TNFRSF21: variants seen among roughly 807,000 people sequenced by gnomAD.
The protein encoded by TNFRSF21 is tumor necrosis factor receptor superfamily member 21.
A neutral mutation model predicts 45.6 loss-of-function variants in TNFRSF21; 19 were observed. The observed-to-expected ratio is 0.42, with a 90% CI of 0.29 to 0.61. TNFRSF21 has a LOEUF of 0.61. Among genes scored for constraint, TNFRSF21 ranks in the 20% least tolerant of loss-of-function variants. The probability of loss-of-function intolerance (pLI) is 0.23; values close to 1 mark genes in which losing one functional copy is unlikely to be tolerated. For missense variants in TNFRSF21, 737 were observed against 851.5 expected (o/e 0.87, Z 1.67); for synonymous variants, 314 against 335.5 (o/e 0.94, Z 0.70).
At chr6:47,269,240 AAC>A (rs149743493) in intron 3 of TNFRSF21, among the ~76,000 whole-genome samples, 36 of 149,268 alleles carry the variant, frequency 2.4e-4, no homozygotes, top group East Asian at 1.4e-3. Flanking sequence ...CACACACACA[AAC>A]ACACACACAC....
At chr6:47,241,781 T>G (rs1050968482) in intron 4 of TNFRSF21, among the ~76,000 whole-genome samples, 5 of 152,196 alleles carry the variant, frequency 3.3e-5, no homozygotes, top group Non-Finnish European at 5.9e-5. Flanking sequence ...CAAGTAACTT[T>G]AAGAGAAAAA....
chr6:47,291,052 G>A (rs1383059266), intron 1 of TNFRSF21, among the ~76,000 whole-genome samples: 1 of 152,230 alleles, frequency 6.6e-6, no homozygotes, highest in Non-Finnish European at 1.5e-5. Context: ...CTAGCTCAGG[G>A]AAGTTAGAGA....
intron 3 of TNFRSF21, among the ~76,000 whole-genome samples, chr6:47,253,947 CTT>C (rs1764942171): frequency 6.6e-6 from 1 of 152,168 alleles, no homozygotes; most frequent in East Asian, 1.9e-4. Context: ...GCATGAATTT[CTT>C]TTTCCTTCTT....
intron 5 of TNFRSF21, 91 bp downstream of exon 5, chr6:47,234,579 C>A: frequency 9.5e-7 from 1 of 1,049,148 alleles, no homozygotes; most frequent in South Asian, 1.4e-5. Context: ...CAACTCTCAG[C>A]TACAACTGGA....
chr6:47,256,975 G>T (rs117685754), intron 3 of TNFRSF21, among the ~76,000 whole-genome samples: 1,779 of 152,290 alleles, frequency 0.012, 129 homozygotes, highest in Admixed American at 0.11. Context: ...GTACAATGGA[G>T]AAACTCACTA....
chr6:47,280,508 A>G (rs1224241225), intron 3 of TNFRSF21, among the ~76,000 whole-genome samples: 1 of 152,238 alleles, frequency 6.6e-6, no homozygotes, highest in Non-Finnish European at 1.5e-5. Flanking sequence ...TAAATATCCC[A>G]ATGCAAAAAT....
At chr6:47,244,323 C>CAAAAAAA (rs764763953) in intron 4 of TNFRSF21, among the ~76,000 whole-genome samples, 1 of 76,050 alleles carries the variant, frequency 1.3e-5, no homozygotes, top group Non-Finnish European at 2.8e-5. Flanking sequence ...GACTCCGTCT[C>CAAAAAAA]AAAAAAAAAA....
At chr6:47,293,475 A>C (rs1268978314) in intron 1 of TNFRSF21, among the ~76,000 whole-genome samples, 1 of 152,234 alleles carries the variant, frequency 6.6e-6, no homozygotes, top group Non-Finnish European at 1.5e-5. Context: ...CAAACTTAAA[A>C]TATTATCCAG....
rs201076467 is a variant in TNFRSF21, at chr6:47,235,342, G to GT, written c.1510-445dup. Among the ~76,000 whole-genome samples the GT allele has an allele frequency of 8.0e-3, 1,224 of 152,280 alleles. 11 individuals are homozygous for GT. The highest frequency in any genetic ancestry group is 0.013 in the South Asian group (63 of 4,820). ...GAGGGCCTTTAAAGAGGTAATTACA[G>GT]TAAAATGAGGTCTTTAGGGTTGGCT... is the stretch of plus-strand genomic sequence containing the variant. On this transcript the variant is annotated intron_variant, in intron 4 of 5. Transcript: ENST00000296861.
At chr6:47,253,131 C>CGTGTGTGTGTGTGTGCAGGCGTATGCGT in intron 4 of TNFRSF21, 125 bp downstream of exon 4, 1 of 1,017,862 alleles carries the variant, frequency 9.8e-7, no homozygotes, top group African/African-American at 1.6e-5. Flanking sequence ...CAGGCGTATG[C>CGTGTGTGTGTGTGTGCAGGCGTATGCGT]GTGTGTGTGT....
In TNFRSF21 at chr6:47,308,329, T is replaced by C. The variant is rs547035140; in HGVS notation, c.96+1087A>G. ...CTTTTGGGGAAGGAGACAGCAAGCC[T>C]GCTTTTCCCTTACACAGCCCTGTCG... On this transcript the variant is annotated intron_variant, in intron 1 of 5. Transcript: ENST00000296861. Among the ~76,000 whole-genome samples, 8 of 152,352 alleles carry C rather than the reference T, an allele frequency of 5.3e-5. No homozygotes were observed. In the South Asian group the frequency reaches 1.7e-3, roughly 32 times the overall value.
chr6:47,276,867 C>T (rs2113860549), intron 3 of TNFRSF21, among the ~76,000 whole-genome samples: 1 of 152,284 alleles, frequency 6.6e-6, no homozygotes, highest in East Asian at 1.9e-4. Context: ...GAGAGCACTG[C>T]CTACATGTGT....
In TNFRSF21 at chr6:47,240,744, A is replaced by C. The variant is rs75498780; in HGVS notation, c.1510-5846T>G. ...GTACCTGGGACTCAATGGCAGACTT[A>C]CACTCCAGCTGGATGACTGCGCTAA... is the stretch of plus-strand genomic sequence containing the variant. On this transcript the variant is annotated intron_variant, in intron 4 of 5. Transcript: ENST00000296861. 1.9e-3 allele frequency among the ~76,000 whole-genome samples: 291 copies of C among 152,322 alleles called. 2 individuals are homozygous for C. The highest frequency in any genetic ancestry group is 6.3e-3 in the African/African-American group (263 of 41,586).
At chr6:47,244,660 T>C (rs1189728358) in intron 4 of TNFRSF21, among the ~76,000 whole-genome samples, 1 of 152,206 alleles carries the variant, frequency 6.6e-6, no homozygotes, top group African/African-American at 2.4e-5. Context: ...TTGTTGGGCA[T>C]TTAATTTCAG....
At chr6:47,287,779 G>C (rs1302008741) in intron 1 of TNFRSF21, among the ~76,000 whole-genome samples, 1 of 152,140 alleles carries the variant, frequency 6.6e-6, no homozygotes, top group Non-Finnish European at 1.5e-5. Context: ...TATTCAAATA[G>C]CCAATAAAGG....
chr6:47,248,877 A>AT (rs1764859041), intron 4 of TNFRSF21, among the ~76,000 whole-genome samples: 1 of 152,232 alleles, frequency 6.6e-6, no homozygotes, highest in Non-Finnish European at 1.5e-5. Context: ...AATTGCAACT[A>AT]TTAATAGTCA....
chr6:47,234,603 G>A lies in TNFRSF21; in HGVS notation c.1738+67C>T, dbSNP rs544274654. 738 of 1,297,792 alleles carry A rather than the reference G, an allele frequency of 5.7e-4. 1 individual carries two copies. The highest frequency in any genetic ancestry group is 7.1e-4 in the Non-Finnish European group (653 of 921,076). 80.4% of individuals were successfully genotyped at this position (1,297,792 alleles called of 1,614,324 possible). A position where few individuals can be genotyped will look rare whatever the true frequency, so the allele number is the denominator to read the frequency against. On this transcript the variant is annotated intron_variant, in intron 5 of 5. Coordinates refer to ENST00000296861, the MANE Select transcript of TNFRSF21 (RefSeq NM_014452.5). ...GCTACAACTGGACTGTGGACGGGGA[G>A]GGACGAATCCCAGGGGCTCTTTGGG...
chr6:47,298,645 G>A lies in TNFRSF21; in HGVS notation c.96+10771C>T, dbSNP rs1216363422. On this transcript the variant is annotated intron_variant, in intron 1 of 5. Coordinates refer to ENST00000296861, the MANE Select transcript of TNFRSF21 (RefSeq NM_014452.5). ...AGTGTCCACAAATAAAGCTTTATTG[G>A]AACACAGCCACACCCAACCTCTTAG... is the stretch of plus-strand genomic sequence containing the variant. 2.0e-5 allele frequency among the ~76,000 whole-genome samples: 3 copies of A among 152,194 alleles called. No homozygotes were observed. In the East Asian group the frequency reaches 5.8e-4, roughly 29 times the overall value.
At chr6:47,301,336 T>C (rs1762862527) in intron 1 of TNFRSF21, among the ~76,000 whole-genome samples, 1 of 152,252 alleles carries the variant, frequency 6.6e-6, no homozygotes, top group Non-Finnish European at 1.5e-5. Flanking sequence ...ATATTAGCCC[T>C]GAGCTTTTCA....
Sources: allele counts gnomAD v4.1 joint callset (sites outside exome capture counted in the v4.1 genomes callset), GRCh38; gene constraint gnomAD v4.1.1; transcripts MANE v1.5; gene names NCBI Gene and HGNC (gene_info 2026-07-23, HGNC 2026-07-21).